The following TRIM5 variants were observed in gnomAD, a reference collection of about 807,000 sequenced individuals.
TRIM5 encodes tripartite motif containing 5, also known as tripartite motif-containing protein 5.
In TRIM5, 31 loss-of-function variants were observed where a neutral mutation model predicts 35.6. The observed-to-expected ratio is 0.87, with a 90% CI of 0.65 to 1.18. The LOEUF (loss-of-function observed/expected upper bound fraction) is 1.18, where lower values mean the gene tolerates loss of function less well. Ranked by LOEUF, TRIM5 falls within the 50% of genes most tolerant of loss-of-function variation. TRIM5 has a pLI of 0.00. For missense variants in TRIM5, 609 were observed against 591.6 expected (o/e 1.03, Z -0.31); for synonymous variants, 243 against 215.6 (o/e 1.13, Z -1.11).
the TRIM5 span, among the ~76,000 whole-genome samples, chr11:5,635,422 T>C: frequency 6.6e-6 from 1 of 151,812 alleles, no homozygotes; most frequent in South Asian, 2.1e-4. Flanking sequence ...GTCTGGCTAA[T>C]TTTTTTTGTA....
chr11:5,595,719 TC>T, the TRIM5 span, among the ~76,000 whole-genome samples: 1 of 145,524 alleles, frequency 6.9e-6, no homozygotes, highest in Non-Finnish European at 1.5e-5. Context: ...CTTCAAAAAT[TC>T]TTTTTTTTTT....
At chr11:5,642,987 C>T in the TRIM5 span, 1 of 1,360,062 alleles carries the variant, frequency 7.4e-7, no homozygotes, top group African/African-American at 1.5e-5. Flanking sequence ...AGTGTTTTAC[C>T]CCTCCAATTC....
At chr11:5,645,218 C>G in the TRIM5 span, among the ~76,000 whole-genome samples, 1 of 151,854 alleles carries the variant, frequency 6.6e-6, no homozygotes, top group African/African-American at 2.4e-5. Context: ...ATTGCAAAAC[C>G]CTGTCTCTAC....
chr11:5,665,818 G>T (rs550444043), intron 6 of TRIM5, 136 bp from the exon 7 acceptor site: 2 of 1,344,848 alleles, frequency 1.5e-6, no homozygotes, highest in African/African-American at 1.5e-5. Context: ...AGATGAAACA[G>T]CCACCTAGCC....
the TRIM5 span, chr11:5,655,745 G>A: frequency 1.1e-6 from 1 of 937,062 alleles, no homozygotes; most frequent in Non-Finnish European, 1.3e-6. Context: ...AAAAGTATGT[G>A]CAGGACATAT....
chr11:5,631,317 C>T, the TRIM5 span, among the ~76,000 whole-genome samples: 56 of 152,300 alleles, frequency 3.7e-4, no homozygotes, highest in African/African-American at 1.1e-3. Flanking sequence ...GGCTTTACCT[C>T]GGCTTTTCTT....
chr11:5,596,637 A>G, the TRIM5 span: 19 of 403,658 alleles, frequency 4.7e-5, no homozygotes, highest in Non-Finnish European at 3.9e-5. Context: ...GACTCCTCCC[A>G]GAAGGAGTTG....
At chr11:5,670,379 T>G (rs113494111) in intron 4 of TRIM5, among the ~76,000 whole-genome samples, 22,096 of 150,672 alleles carry the variant, frequency 0.15, 2,102 homozygotes, top group African/African-American at 0.27. Flanking sequence ...TAGAGATGGG[T>G]TTTCACCGTG....
At chr11:5,661,876 T>C (rs1850839645), downstream of TRIM5, among the ~76,000 whole-genome samples, 1 of 152,236 alleles carries the variant, frequency 6.6e-6, no homozygotes, top group South Asian at 2.1e-4. Flanking sequence ...CTGTTGTATA[T>C]ACAAATTCAG....
chr11:5,666,262 C>G, intron 5 of TRIM5, 181 bp from the exon 6 acceptor site: 1 of 673,168 alleles, frequency 1.5e-6, no homozygotes, highest in Non-Finnish European at 2.7e-6. Context: ...TGTTTGCCTT[C>G]CCACTTACTT....
At chr11:5,611,923 A>G in the TRIM5 span, 1 of 152,204 alleles carries the variant, frequency 6.6e-6, no homozygotes, top group Admixed American at 6.5e-5. Context: ...GATCAAATTT[A>G]GGAAGTTCTG....
chr11:5,656,756 A>T, the TRIM5 span, among the ~76,000 whole-genome samples: 29 of 152,346 alleles, frequency 1.9e-4, no homozygotes, highest in African/African-American at 7.0e-4. Flanking sequence ...CAAAACCACA[A>T]TGAGATACCA....
At chr11:5,660,194 C>T (rs1405684079), downstream of TRIM5, among the ~76,000 whole-genome samples, 1 of 152,166 alleles carries the variant, frequency 6.6e-6, no homozygotes, top group South Asian at 2.1e-4. Context: ...CCTAGCTGGT[C>T]TCGAAATCCT....
chr11:5,593,940 T>C, the TRIM5 span, among the ~76,000 whole-genome samples: 4 of 152,194 alleles, frequency 2.6e-5, no homozygotes, highest in Non-Finnish European at 5.9e-5. Context: ...CTAACAGTAT[T>C]CCACTGTATT....
At chr11:5,590,066 C>G in the TRIM5 span, 1 of 156,912 alleles carries the variant, frequency 6.4e-6, no homozygotes, top group Non-Finnish European at 1.4e-5. Flanking sequence ...GCAGTGCCAG[C>G]CCACCGGCAC....
the TRIM5 span, among the ~76,000 whole-genome samples, chr11:5,653,016 C>G: frequency 2.0e-5 from 3 of 151,950 alleles, no homozygotes; most frequent in Non-Finnish European, 2.9e-5. Flanking sequence ...GCATACCCGG[C>G]TAATTTTTTG....
At chr11:5,600,359 C>T in the TRIM5 span, among the ~76,000 whole-genome samples, 1 of 152,180 alleles carries the variant, frequency 6.6e-6, no homozygotes, top group Admixed American at 6.5e-5. Flanking sequence ...ACCTAATGGG[C>T]TTTCTGTAGA....
chr11:5,678,461 G>A, intron 3 of TRIM5, 27 bp from the exon 4 acceptor site: 7 of 1,477,528 alleles, frequency 4.7e-6, no homozygotes, highest in Non-Finnish European at 4.5e-6. Context: ...AGAGAAAGGG[G>A]CACTCAGTCT....
Position 5,664,911 on chromosome 11 carries a change from G to A in TRIM5, c.1380C>T (p.Leu460=), listed in dbSNP as rs770685730. Reference sequence around the variant, plus strand: ...AAGAACAGTGAGAAAACTTATAGATGAGAAATCCATGGTTTGTGATATTGA... The same window carrying A: ...AAGAACAGTGAGAAAACTTATAGATAAGAAATCCATGGTTTGTGATATTGA... ...SFFNITNHGF[L]IYKFSHCSFS... is the part of the protein sequence containing the mutation. The change falls in exon 8 of 8, where the codon CTC becomes CTT. Residue 460 remains leucine, a synonymous_variant. Coordinates refer to ENST00000380034, the MANE Select transcript of TRIM5 (RefSeq NM_033034.3). 11 of 1,613,964 alleles carry A rather than the reference G, an allele frequency of 6.8e-6. No homozygotes were observed. The highest frequency in any genetic ancestry group is 9.3e-6 in the Non-Finnish European group (11 of 1,179,994).
Sources: gnomAD v4.1 joint callset for allele counts (sites outside exome capture counted in the v4.1 genomes callset) on GRCh38, gnomAD v4.1.1 for gene constraint, MANE v1.5 for transcripts, NCBI Gene and HGNC (gene_info 2026-07-23, HGNC 2026-07-21) for gene names.